The following PIEZO2 variants were observed in gnomAD, a reference collection of about 807,000 sequenced individuals.
The protein encoded by PIEZO2 is piezo-type mechanosensitive ion channel component 2.
PIEZO2 carries 172 observed loss-of-function variants against 337.3 expected under a neutral mutation model. That is an observed-to-expected ratio of 0.51 (90% CI 0.45 to 0.58). The LOEUF (loss-of-function observed/expected upper bound fraction) is 0.58. PIEZO2 is among the 20% of genes least tolerant of loss of function. PIEZO2 has a pLI of 0.00. For synonymous variants in PIEZO2, 1,251 were observed against 1,228.5 expected (o/e 1.02, Z -0.38); for missense variants, 3,028 against 3,391.3 (o/e 0.89, Z 2.66).
At chr18:10,777,928 G>A (rs1367220844) in intron 18 of PIEZO2, among the ~76,000 whole-genome samples, 1 of 152,166 alleles carries the variant, frequency 6.6e-6, no homozygotes, top group Non-Finnish European at 1.5e-5. Flanking sequence ...AATTATGTGT[G>A]TTGGTAAAAT....
At chr18:10,712,852 T>C (rs925262578) in intron 39 of PIEZO2, among the ~76,000 whole-genome samples, 26 of 152,362 alleles carry the variant, frequency 1.7e-4, no homozygotes, top group Admixed American at 1.7e-3. Context: ...AATTAGGAAA[T>C]ACATGTTTGA....
chr18:11,095,481 G>A, intron 1 of PIEZO2, among the ~76,000 whole-genome samples: 1 of 152,150 alleles, frequency 6.6e-6, no homozygotes, highest in East Asian at 1.9e-4. Flanking sequence ...TTAGAACACA[G>A]GTCAACATTG....
chr18:10,684,066 CTTCCTTCCTTT>C (rs2034400793), intron 49 of PIEZO2, among the ~76,000 whole-genome samples: 2 of 149,244 alleles, frequency 1.3e-5, no homozygotes, highest in South Asian at 4.4e-4. Context: ...CCCTCCCTTC[CTTCCTTCCTTT>C]TTCCTTCCTT....
intron 36 of PIEZO2, chr18:10,725,595 C>T (rs2036502400): frequency 2.2e-6 from 3 of 1,339,554 alleles, no homozygotes; most frequent in Non-Finnish European, 3.0e-6. Flanking sequence ...GCTTTCCCTT[C>T]CTGAGCAGCC....
intron 1 of PIEZO2, among the ~76,000 whole-genome samples, chr18:11,106,211 C>T (rs190639274): frequency 4.0e-5 from 6 of 151,718 alleles, no homozygotes; most frequent in Admixed American, 1.3e-4. Context: ...CTCAGCCTCC[C>T]GAGTAGCTGG....
chr18:10,904,143 G>T (rs2043117567), intron 4 of PIEZO2, among the ~76,000 whole-genome samples: 1 of 152,172 alleles, frequency 6.6e-6, no homozygotes, highest in Non-Finnish European at 1.5e-5. Flanking sequence ...TACATATAGA[G>T]GAGATATGTA....
Position 10,748,449 on chromosome 18 carries a change from C to G in PIEZO2, c.4424+22G>C. 6.5e-7 allele frequency: 1 copy of G among 1,535,490 alleles called. No individual in the cohort carries two copies. The highest frequency in any genetic ancestry group is 8.7e-7 in the Non-Finnish European group (1 of 1,146,064). ...AGGCAAGTTTCCTGGGAGAAACCAC[C>G]TGATTTCATGGCCTGACCCACCTTG... On this transcript the variant is annotated intron_variant, in intron 30 of 55. Coordinates refer to ENST00000674853, the MANE Select transcript of PIEZO2 (RefSeq NM_001378183.1). This position sits in a 1 kb window ranked among gnomAD's most constrained non-coding sequence, Gnocchi z 5.1.
chr18:10,724,651 C>T lies in PIEZO2; in HGVS notation c.5030-6392G>A. 1 of 785,414 alleles carries T rather than the reference C, an allele frequency of 1.3e-6. No individual in the cohort carries two copies. The allele number at this position is 785,414 out of a possible 1,614,324, so 48.7% of individuals were successfully genotyped here. A position where few individuals can be genotyped will look rare whatever the true frequency, so the allele number is the denominator to read the frequency against. ...GGACTCGGGGTCTCAGGCGTATGATCAGGCACCCACCAGCCCACCTACCAG... is the reference window on the plus strand; with the variant it reads ...GGACTCGGGGTCTCAGGCGTATGATTAGGCACCCACCAGCCCACCTACCAG... On this transcript the variant is annotated intron_variant, in intron 36 of 55. Coordinates refer to ENST00000674853, the MANE Select transcript of PIEZO2 (RefSeq NM_001378183.1). This position sits in a 1 kb window ranked among gnomAD's most constrained non-coding sequence, Gnocchi z 5.8.
At chr18:10,749,936 G>A (rs1045525740) in intron 29 of PIEZO2, among the ~76,000 whole-genome samples, 155 bp downstream of exon 29, 1 of 152,200 alleles carries the variant, frequency 6.6e-6, no homozygotes, top group Non-Finnish European at 1.5e-5. Context: ...ATAGACAATA[G>A]ATTCACAATG....
At chr18:10,829,510 T>C (rs536573803) in intron 7 of PIEZO2, among the ~76,000 whole-genome samples, 1 of 152,320 alleles carries the variant, frequency 6.6e-6, no homozygotes, top group East Asian at 1.9e-4. Context: ...AAAGTCATAA[T>C]TGTTCTTATT....
intron 1 of PIEZO2, among the ~76,000 whole-genome samples, chr18:11,134,147 C>G (rs2040415927): frequency 6.6e-6 from 1 of 152,140 alleles, no homozygotes; most frequent in East Asian, 1.9e-4. Flanking sequence ...AAATATGAAA[C>G]AGGAGGACCC....
intron 9 of PIEZO2, among the ~76,000 whole-genome samples, chr18:10,802,651 C>A (rs1470822926): frequency 1.3e-5 from 2 of 152,110 alleles, no homozygotes; most frequent in African/African-American, 4.8e-5. Flanking sequence ...TCTGGCTTCA[C>A]ATAGGTATGC....
rs1218370895 is a variant in PIEZO2 at position 11,116,714 on chromosome 18, C to CA, written c.64+31810dup. On this transcript the variant is annotated intron_variant, in intron 1 of 55. Coordinates refer to ENST00000674853, the MANE Select transcript of PIEZO2 (RefSeq NM_001378183.1). The surrounding 1 kb of genome is among the most constrained non-coding windows in gnomAD (Gnocchi z 5.0). ...TGGGCGACAGAACGAGACTCCGTCTCAAAAAAAACAAAGAAAAAAAAAAAT... is the reference window on the plus strand; with the variant it reads ...TGGGCGACAGAACGAGACTCCGTCTCAAAAAAAAACAAAGAAAAAAAAAAAT... Among the ~76,000 whole-genome samples, 61 of 147,554 alleles carry CA rather than the reference C, an allele frequency of 4.1e-4. 1 individual carries two copies. The highest frequency in any genetic ancestry group is 1.2e-3 in the African/African-American group (46 of 39,484).
rs960165826 is a variant in PIEZO2 at position 11,111,600 on chromosome 18, C to T, written c.64+36925G>A. Among the ~76,000 whole-genome samples, 3 of 152,120 alleles carry T rather than the reference C, an allele frequency of 2.0e-5. No individual in the cohort carries two copies. Among genetic ancestry groups the T allele is most frequent in the Non-Finnish European group, 4.4e-5 (3 of 68,028 alleles). On this transcript the variant is annotated intron_variant, in intron 1 of 55. Coordinates refer to ENST00000674853, the MANE Select transcript of PIEZO2 (RefSeq NM_001378183.1). The surrounding 1 kb of genome is among the most constrained non-coding windows in gnomAD (Gnocchi z 6.2). ...GCCTGGGACCCTGTAGGGACTTTAA[C>T]TCAAGAGTCTTGATCCAGTTCTTCT... is the stretch of plus-strand genomic sequence containing the variant.
Position 10,773,384 on chromosome 18 carries a change from G to C in PIEZO2, c.2785+28C>G, listed in dbSNP as rs1378375936. On this transcript the variant is annotated intron_variant, in intron 20 of 55. Coordinates refer to ENST00000674853, the MANE Select transcript of PIEZO2 (RefSeq NM_001378183.1). This position sits in a 1 kb window ranked among gnomAD's most constrained non-coding sequence, Gnocchi z 5.3. ...CTCAGTCTGACAGCCAGCGTTCTCT[G>C]ACCAGCTGCTGGTAGTGGGCTGATT... 6.5e-7 allele frequency: 1 copy of C among 1,529,686 alleles called. No individual in the cohort carries two copies. Among genetic ancestry groups the C allele is most frequent in the East Asian group, 2.4e-5 (1 of 40,892 alleles). The allele number at this position is 1,529,686 out of a possible 1,614,324, so 94.8% of individuals were successfully genotyped here.
chr18:10,916,152 G>A (rs1224999511), intron 3 of PIEZO2, among the ~76,000 whole-genome samples: 1 of 152,182 alleles, frequency 6.6e-6, no homozygotes, highest in Admixed American at 6.5e-5. Flanking sequence ...ACACTGTGCT[G>A]ATTGGTGCAT....
At chr18:10,790,185 T>A (rs935418554) in intron 14 of PIEZO2, among the ~76,000 whole-genome samples, 1 of 152,180 alleles carries the variant, frequency 6.6e-6, no homozygotes, top group African/African-American at 2.4e-5. Context: ...AAGATTTGAA[T>A]CTTATAGACA....
In PIEZO2 at chr18:10,726,381, C is replaced by G; in HGVS notation, c.5029+5026G>C. ...CTTCCCCGCAGGCACCCACTACCTG[C>G]GGGGCGGTAACAACGCGCGCCAGCC... On this transcript the variant is annotated intron_variant, in intron 36 of 55. Coordinates refer to ENST00000674853, the MANE Select transcript of PIEZO2 (RefSeq NM_001378183.1). This position sits in a 1 kb window ranked among gnomAD's most constrained non-coding sequence, Gnocchi z 5.9. 2 of 1,520,556 alleles carry G rather than the reference C, an allele frequency of 1.3e-6. No homozygotes were observed. The highest frequency in any genetic ancestry group is 8.8e-7 in the Non-Finnish European group (1 of 1,140,726). The allele number at this position is 1,520,556 out of a possible 1,614,324, so 94.2% of individuals were successfully genotyped here. A position where few individuals can be genotyped will look rare whatever the true frequency, so the allele number is the denominator to read the frequency against.
chr18:11,024,536 A>G (rs1238341829), intron 2 of PIEZO2, among the ~76,000 whole-genome samples: 1 of 133,870 alleles, frequency 7.5e-6, no homozygotes, highest in South Asian at 2.5e-4. Flanking sequence ...ACAGAGCGAG[A>G]CTCTGTCTCA....
Sources: allele counts gnomAD v4.1 joint callset (sites outside exome capture counted in the v4.1 genomes callset), GRCh38; gene constraint gnomAD v4.1.1; non-coding constraint Gnocchi (gnomAD v3.1); transcripts MANE v1.5; gene names NCBI Gene and HGNC (gene_info 2026-07-23, HGNC 2026-07-21).